Variants in ETV5 observed in about 807,000 individuals in gnomAD.
ETV5 encodes ETS variant transcription factor 5.
ETV5 carries 10 observed loss-of-function variants against 70.0 expected under a neutral mutation model. That is an observed-to-expected ratio of 0.14 (90% confidence interval 0.09 to 0.24). ETV5 has a LOEUF of 0.24. ETV5 is among the 10% of genes least tolerant of loss of function. The pLI is 1.00. For synonymous variants in ETV5, 216 were observed against 242.2 expected (o/e 0.89, Z 1.01); for missense variants, 453 against 651.2 (o/e 0.70, Z 3.31).
rs772227452 is a variant in ETV5, at chr3:186,082,861, TA to T, written c.233-1687del. 4.6e-5 allele frequency among the ~76,000 whole-genome samples: 7 copies of T among 152,238 alleles called. No individual in the cohort carries two copies. The East Asian group carries it at 1.2e-3, about 25-fold the overall frequency. ...ATGACTCTATCACAGATGACAAGGTTATAAAGCAATGTTGCTGCAAAGTCTT... is the reference window on the plus strand; with the variant it reads ...ATGACTCTATCACAGATGACAAGGTTTAAAGCAATGTTGCTGCAAAGTCTT... On this transcript the variant is annotated intron_variant, in intron 5 of 12. Transcript: ENST00000306376.
intron 7 of ETV5, among the ~76,000 whole-genome samples, chr3:186,068,218 T>C (rs1713499639): frequency 6.6e-6 from 1 of 152,212 alleles, no homozygotes; most frequent in African/African-American, 2.4e-5. Context: ...GATACAGTCA[T>C]TTGGTTGAAA....
At chr3:186,059,538 T>A (rs1310848882) in intron 9 of ETV5, among the ~76,000 whole-genome samples, 1 of 152,238 alleles carries the variant, frequency 6.6e-6, no homozygotes, top group African/African-American at 2.4e-5. Context: ...TAAAAATTCC[T>A]ACCTTATGGT....
chr3:186,074,679 C>T lies in ETV5; in HGVS notation c.650+5138G>A, dbSNP rs753402101. Among the ~76,000 whole-genome samples, 13 of 151,760 alleles carry T rather than the reference C, an allele frequency of 8.6e-5. No individual in the cohort carries two copies. In the South Asian group the frequency reaches 1.2e-3, roughly 15 times the overall value. On this transcript the variant is annotated intron_variant, in intron 7 of 12. Coordinates refer to ENST00000306376, the MANE Select transcript of ETV5 (RefSeq NM_004454.3). ...CTGTAATCCCAGCACTTTGGGAGGA[C>T]GAGATGGGTGGATCACCTGAGGTCA... is the stretch of plus-strand genomic sequence containing the variant.
intron 6 of ETV5, chr3:186,080,828 C>T (rs1026047242): frequency 1.2e-5 from 5 of 421,174 alleles, no homozygotes; most frequent in African/African-American, 9.9e-5. Context: ...ACTTAGTGCT[C>T]TGTAGAGCCA....
In ETV5 at chr3:186,048,453, T is replaced by C; in HGVS notation, c.*186A>G. 2 of 602,356 alleles carry C rather than the reference T, an allele frequency of 3.3e-6. No individual in the cohort carries two copies. The highest frequency in any genetic ancestry group is 2.0e-5 in the South Asian group (1 of 49,888). 37.3% of individuals were successfully genotyped at this position (602,356 alleles called of 1,614,324 possible). On this transcript the variant is annotated 3_prime_UTR_variant, in exon 13 of 13. Coordinates refer to ENST00000306376, the MANE Select transcript of ETV5 (RefSeq NM_004454.3). The stretch of plus-strand genomic sequence containing the variant: ...CTTTTGGTGGTTTTCTGCCCCTCCC[T>C]GTTCCCACTCCCCAGCCAATGTATC...
At chr3:186,108,524 TC>T (rs1028533021) in intron 1 of ETV5, 15 of 1,285,000 alleles carry the variant, frequency 1.2e-5, no homozygotes, top group Admixed American at 4.6e-5. Context: ...TCAAACTGCT[TC>T]CCGCCCCCTC....
rs902212690 is a variant in ETV5, at chr3:186,098,935, C to G, written c.232+6370G>C. Among the ~76,000 whole-genome samples, 4 of 152,214 alleles carry G rather than the reference C, an allele frequency of 2.6e-5. No homozygotes were observed. The East Asian group carries it at 7.7e-4, about 29-fold the overall frequency. On this transcript the variant is annotated intron_variant, in intron 5 of 12. Transcript: ENST00000306376. ...TGAAGTCCTTCTGACCACAGAATCCCCATTCCATGCCTCGGCTGTTCAGAT... is the reference window on the plus strand; with the variant it reads ...TGAAGTCCTTCTGACCACAGAATCCGCATTCCATGCCTCGGCTGTTCAGAT...
intron 9 of ETV5, among the ~76,000 whole-genome samples, chr3:186,063,210 C>T (rs1363127431): frequency 6.6e-6 from 1 of 152,114 alleles, no homozygotes; most frequent in Non-Finnish European, 1.5e-5. Flanking sequence ...GCAGAGCTTG[C>T]AGTGAGCGGA....
In ETV5 at chr3:186,081,036, G is replaced by A; in HGVS notation, c.362+10C>T. 5.6e-6 allele frequency: 9 copies of A among 1,603,374 alleles called. No homozygotes were observed. The highest frequency in any genetic ancestry group is 6.8e-6 in the Non-Finnish European group (8 of 1,174,108). Reference sequence around the variant, plus strand: ...GGGCAGCCTTTCTTCGACTCCTCTTGCCCACTCACCAATAGTTGTAGAGGC... The same window carrying A: ...GGGCAGCCTTTCTTCGACTCCTCTTACCCACTCACCAATAGTTGTAGAGGC... On this transcript the variant is annotated intron_variant, in intron 6 of 12. Coordinates refer to ENST00000306376, the MANE Select transcript of ETV5 (RefSeq NM_004454.3).
intron 12 of ETV5, among the ~76,000 whole-genome samples, chr3:186,049,583 T>C (rs1420705113): frequency 6.6e-6 from 1 of 152,180 alleles, no homozygotes; most frequent in African/African-American, 2.4e-5. Flanking sequence ...TCAAACCCAA[T>C]AATCGGCTTC....
At chr3:186,102,578 A>G (rs1053444070) in intron 5 of ETV5, among the ~76,000 whole-genome samples, 1 of 147,130 alleles carries the variant, frequency 6.8e-6, no homozygotes, top group Non-Finnish European at 1.5e-5. Flanking sequence ...CATCCCAGTA[A>G]GTGGGCCGAG....
chr3:186,084,897 T>C (rs988867163), intron 5 of ETV5, among the ~76,000 whole-genome samples: 1 of 152,012 alleles, frequency 6.6e-6, no homozygotes, highest in Non-Finnish European at 1.5e-5. Context: ...CAGAATATGC[T>C]CTAGAACAAA....
chr3:186,061,136 A>G (rs983948125), intron 9 of ETV5, among the ~76,000 whole-genome samples: 1 of 152,176 alleles, frequency 6.6e-6, no homozygotes, highest in Non-Finnish European at 1.5e-5. Context: ...ATCACTTATA[A>G]AAGCCACCCA....
intron 5 of ETV5, among the ~76,000 whole-genome samples, chr3:186,093,964 T>C (rs919002728): frequency 6.6e-6 from 1 of 152,112 alleles, no homozygotes; most frequent in African/African-American, 2.4e-5. Context: ...TTGCGGGCCT[T>C]TGGAGTAAAA....
intron 7 of ETV5, among the ~76,000 whole-genome samples, chr3:186,073,686 C>G (rs1488374408): frequency 1.3e-5 from 2 of 152,190 alleles, no homozygotes; most frequent in Non-Finnish European, 2.9e-5. Context: ...ATACTTGGAG[C>G]TGAATTTTTA....
In ETV5 at chr3:186,057,301, T is replaced by C; in HGVS notation, c.1040-57A>G. The C allele has an allele frequency of 6.2e-7, 1 of 1,609,470 alleles. No homozygotes were observed. The highest frequency in any genetic ancestry group is 8.5e-7 in the Non-Finnish European group (1 of 1,176,906). On this transcript the variant is annotated intron_variant, in intron 10 of 12. Coordinates refer to ENST00000306376, the MANE Select transcript of ETV5 (RefSeq NM_004454.3). This position sits in a 1 kb window ranked among gnomAD's most constrained non-coding sequence, Gnocchi z 4.9. ...CTTAGTCCTAAGTTTCTCAGGTGGT[T>C]GGGACAAAAAGGAGTTGTTCATGCT...
At chr3:186,066,910 T>A (rs952179705) in intron 7 of ETV5, among the ~76,000 whole-genome samples, 1 of 152,248 alleles carries the variant, frequency 6.6e-6, no homozygotes, top group Non-Finnish European at 1.5e-5. Flanking sequence ...TTGTTAAGGT[T>A]AGCATTTCAA....
At chr3:186,100,473 G>C (rs1338525944) in intron 5 of ETV5, among the ~76,000 whole-genome samples, 2 of 152,184 alleles carry the variant, frequency 1.3e-5, no homozygotes, top group African/African-American at 2.4e-5. Context: ...TGCCTCTACT[G>C]TACTAAACTC....
chr3:186,074,482 C>T (rs917636510), intron 7 of ETV5, among the ~76,000 whole-genome samples: 1 of 152,084 alleles, frequency 6.6e-6, no homozygotes, highest in East Asian at 1.9e-4. Context: ...ATGAGTATAA[C>T]CTTAATGCTA....
Sources: gnomAD v4.1 joint callset for allele counts (sites outside exome capture counted in the v4.1 genomes callset) on GRCh38, gnomAD v4.1.1 for gene constraint, Gnocchi (gnomAD v3.1) non-coding constraint, MANE v1.5 for transcripts, NCBI Gene and HGNC (gene_info 2026-07-23, HGNC 2026-07-21) for gene names.